Variants in NLGN1 observed in about 807,000 individuals in gnomAD.
The protein encoded by NLGN1 is neuroligin 1, also known as neuroligin-1.
In NLGN1, 12 loss-of-function variants were observed where a neutral mutation model predicts 65.5. That is an observed-to-expected ratio of 0.18 (90% CI 0.12 to 0.30). NLGN1 has a LOEUF of 0.30. Among genes scored for constraint, NLGN1 ranks in the 10% least tolerant of loss-of-function variants. NLGN1 has a pLI of 1.00. For missense variants in NLGN1, 750 were observed against 1,007.1 expected, an observed-to-expected ratio of 0.74 and a Z score of 3.46; for synonymous variants, 350 against 359.5, an observed-to-expected ratio of 0.97 and a Z score of 0.30.
intron 2 of NLGN1, among the ~76,000 whole-genome samples, chr3:173,524,949 G>A (rs762592123): frequency 6.6e-6 from 1 of 152,104 alleles, no homozygotes; most frequent in African/African-American, 2.4e-5. Flanking sequence ...TCTTTTTGGT[G>A]TACTGTTGGA....
chr3:173,688,815 T>C (rs142073633), intron 3 of NLGN1, among the ~76,000 whole-genome samples: 205 of 152,310 alleles, frequency 1.3e-3, no homozygotes, highest in Non-Finnish European at 2.2e-3. Context: ...ATGGACAAAA[T>C]TGCTAATTTC....
intron 2 of NLGN1, among the ~76,000 whole-genome samples, chr3:173,437,215 C>A (rs998462794): frequency 1.3e-5 from 2 of 152,200 alleles, no homozygotes; most frequent in Non-Finnish European, 2.9e-5. Flanking sequence ...CTTCCTCCTG[C>A]TCTTTATCCC....
At chr3:174,131,720 GA>G (rs1720234621) in intron 4 of NLGN1, among the ~76,000 whole-genome samples, 2 of 152,142 alleles carry the variant, frequency 1.3e-5, no homozygotes, top group Admixed American at 1.3e-4. Flanking sequence ...GTGGCTACAT[GA>G]GCTATTCAAA....
chr3:174,181,703 C>A (rs1730439574), intron 4 of NLGN1, among the ~76,000 whole-genome samples: 1 of 151,886 alleles, frequency 6.6e-6, no homozygotes, highest in Non-Finnish European at 1.5e-5. Context: ...CCAAGGCAGG[C>A]ATATGGCTTG....
intron 4 of NLGN1, among the ~76,000 whole-genome samples, chr3:174,261,902 G>T (rs1247646217): frequency 2.0e-5 from 3 of 146,924 alleles, no homozygotes; most frequent in Non-Finnish European, 4.5e-5. Context: ...AAGCGTTGTT[G>T]AATTTTGTCA....
In NLGN1 at chr3:174,040,946, G is replaced by A. The variant is rs115541454; in HGVS notation, c.646+233114G>A. Among the ~76,000 whole-genome samples, 849 of 152,080 alleles carry A rather than the reference G, an allele frequency of 5.6e-3. 12 individuals carry two copies. Among genetic ancestry groups the A allele is most frequent in the African/African-American group, 0.02 (816 of 41,494 alleles). ...TCTCCCCACATACCTCAACATGTAC[G>A]TCATTAACTATAATTCAATATTTTT... On this transcript the variant is annotated intron_variant, in intron 4 of 6. Coordinates refer to ENST00000457714, the Ensembl canonical transcript of NLGN1.
Position 174,163,589 on chromosome 3 carries a change from G to A in NLGN1, c.647-111726G>A, listed in dbSNP as rs144558299. 9.7e-4 allele frequency among the ~76,000 whole-genome samples: 148 copies of A among 151,904 alleles called. No individual in the cohort carries two copies. In the Middle Eastern group the frequency reaches 0.014, roughly 14 times the overall value. On this transcript the variant is annotated intron_variant, in intron 4 of 6. Transcript: ENST00000457714. Reference sequence around the variant, plus strand: ...TCAACCCTTGCTTTCCTCCCTCCCCGCAACTTCCAGCAGACCCCAGTGTCT... The same window carrying A: ...TCAACCCTTGCTTTCCTCCCTCCCCACAACTTCCAGCAGACCCCAGTGTCT...
At chr3:174,002,322 T>C (rs1246365944) in intron 4 of NLGN1, among the ~76,000 whole-genome samples, 1 of 152,222 alleles carries the variant, frequency 6.6e-6, no homozygotes, top group East Asian at 1.9e-4. Context: ...GAGATAGGGT[T>C]TCACCATGTT....
At chr3:174,269,193 A>C (rs1748867660) in intron 4 of NLGN1, among the ~76,000 whole-genome samples, 1 of 148,400 alleles carries the variant, frequency 6.7e-6, no homozygotes, top group African/African-American at 2.6e-5. Flanking sequence ...TTTAACATTA[A>C]ATTTATCATT....
At chr3:173,582,012 G>A (rs971587998) in intron 2 of NLGN1, among the ~76,000 whole-genome samples, 1 of 151,856 alleles carries the variant, frequency 6.6e-6, no homozygotes, top group African/African-American at 2.4e-5. Context: ...TATCATACAT[G>A]TTGATATATT....
intron 3 of NLGN1, among the ~76,000 whole-genome samples, chr3:173,671,822 G>A (rs536675168): frequency 1.3e-5 from 2 of 152,274 alleles, no homozygotes; most frequent in South Asian, 2.1e-4. Context: ...AAGCTTTGTA[G>A]TTAAAATGTT....
intron 4 of NLGN1, among the ~76,000 whole-genome samples, chr3:174,255,385 G>A (rs1236826764): frequency 7.3e-6 from 1 of 137,542 alleles, no homozygotes; most frequent in Admixed American, 7.9e-5. Context: ...GCAGTGAGCC[G>A]AGATCGTGCC....
chr3:173,965,217 C>A lies in NLGN1; in HGVS notation c.646+157385C>A, dbSNP rs558214672. On this transcript the variant is annotated intron_variant, in intron 4 of 6. Transcript: ENST00000457714. ...GAAGATCCAAAGAAATCTAAGAACT[C>A]CAGTTACCTTGTTGAATCCATGTTT... 2.6e-5 allele frequency among the ~76,000 whole-genome samples: 4 copies of A among 152,218 alleles called. No homozygotes were observed. The South Asian group carries it at 8.3e-4, about 32-fold the overall frequency.
intron 4 of NLGN1, among the ~76,000 whole-genome samples, chr3:174,175,322 A>T (rs1729245811): frequency 1.3e-5 from 2 of 151,792 alleles, no homozygotes; most frequent in African/African-American, 4.8e-5. Flanking sequence ...TCCAGTGTTG[A>T]GTGTGTATAT....
chr3:173,552,228 G>C (rs1275470301), intron 2 of NLGN1, among the ~76,000 whole-genome samples: 1 of 152,162 alleles, frequency 6.6e-6, no homozygotes, highest in African/African-American at 2.4e-5. Flanking sequence ...CTGACCACTG[G>C]GGAGGAGAGA....
At chr3:173,983,029 CT>C (rs1341326428) in intron 4 of NLGN1, among the ~76,000 whole-genome samples, 2 of 152,098 alleles carry the variant, frequency 1.3e-5, no homozygotes, top group African/African-American at 4.8e-5. Flanking sequence ...CCATTTCATT[CT>C]TTTTCTCTCA....
chr3:173,499,024 A>G (rs1243660672), intron 2 of NLGN1, among the ~76,000 whole-genome samples: 6 of 151,030 alleles, frequency 4.0e-5, no homozygotes, highest in Admixed American at 1.3e-4. Flanking sequence ...CTCTGATGGT[A>G]GTTTCTTTTG....
chr3:173,600,190 TACATGTGTGTAC>T (rs111274961), intron 2 of NLGN1, among the ~76,000 whole-genome samples: 493 of 62,206 alleles, frequency 7.9e-3, no homozygotes, highest in African/African-American at 0.021. Context: ...TACATGTGTG[TACATGTGTGTAC>T]ACACACACAC....
chr3:173,593,135 C>T lies in NLGN1; in HGVS notation c.-320-11144C>T, dbSNP rs183038729. On this transcript the variant is annotated intron_variant, in intron 2 of 6. Transcript: ENST00000457714. ...CTCCCCTCAAAATACCCTGCATTAT[C>T]CTTCTTCATACAGTATTTATTACTA... is the stretch of plus-strand genomic sequence containing the variant. 3.2e-4 allele frequency among the ~76,000 whole-genome samples: 48 copies of T among 152,284 alleles called. 1 individual carries two copies. The highest frequency in any genetic ancestry group is 9.6e-4 in the East Asian group (5 of 5,186).
Sources: allele counts gnomAD v4.1 joint callset (sites outside exome capture counted in the v4.1 genomes callset), GRCh38; gene constraint gnomAD v4.1.1; transcripts MANE v1.5; gene names NCBI Gene and HGNC (gene_info 2026-07-23, HGNC 2026-07-21).